Variants in TMOD2 observed in about 807,000 individuals in gnomAD.
TMOD2 encodes tropomodulin-2.
Under a neutral mutation model 39.9 loss-of-function variants are expected in TMOD2, and 22 were observed. That is an observed-to-expected ratio of 0.55 (90% CI 0.39 to 0.79). The LOEUF (loss-of-function observed/expected upper bound fraction) is 0.79, where lower values mean the gene tolerates loss of function less well. TMOD2 is among the 30% of genes least tolerant of loss of function. TMOD2 has a pLI of 0.00. For synonymous variants in TMOD2, 123 were observed against 146.1 expected (o/e 0.84, Z 1.14); for missense variants, 386 against 413.3 (o/e 0.93, Z 0.57).
At chr15:51,767,136 C>G (rs1253322243) in intron 2 of TMOD2, 1 of 152,212 alleles carries the variant, frequency 6.6e-6, no homozygotes, top group African/African-American at 2.4e-5. Context: ...AGCGATTCTC[C>G]TACCTCAGCC....
At chr15:51,773,184 G>C (rs1455941348) in intron 3 of TMOD2, among the ~76,000 whole-genome samples, 1 of 152,222 alleles carries the variant, frequency 6.6e-6, no homozygotes, top group East Asian at 1.9e-4. Context: ...CTGGAGGATA[G>C]ACATGGGAAG....
intron 1 of TMOD2, among the ~76,000 whole-genome samples, chr15:51,763,846 C>T (rs1231815629): frequency 1.3e-5 from 2 of 152,254 alleles, no homozygotes; most frequent in Non-Finnish European, 2.9e-5. Flanking sequence ...AATTCTAAGA[C>T]ACATCTCAAT....
At chr15:51,797,620 G>T (rs1409284153) in intron 7 of TMOD2, among the ~76,000 whole-genome samples, 4 of 152,096 alleles carry the variant, frequency 2.6e-5, no homozygotes, top group Non-Finnish European at 4.4e-5. Context: ...AAGAGAGCCG[G>T]CAGGTGCCCG....
At chr15:51,766,940 C>G (rs1354263497) in intron 2 of TMOD2, 4 of 158,600 alleles carry the variant, frequency 2.5e-5, no homozygotes, top group Admixed American at 1.9e-4. Context: ...CTTTATTAAC[C>G]CCTAGACATG....
At chr15:51,772,950 C>T (rs1388395567) in intron 3 of TMOD2, among the ~76,000 whole-genome samples, 2 of 152,160 alleles carry the variant, frequency 1.3e-5, no homozygotes, top group Non-Finnish European at 2.9e-5. Flanking sequence ...TAAAAGCTAA[C>T]AAATCATTAA....
chr15:51,785,262 A>G (rs575304610), intron 7 of TMOD2, among the ~76,000 whole-genome samples: 1 of 151,114 alleles, frequency 6.6e-6, no homozygotes, highest in Non-Finnish European at 1.5e-5. Flanking sequence ...AATACAAAAA[A>G]TTAGCCGGGC....
rs1750038200 is a variant in TMOD2, at chr15:51,810,165, T to G, written c.*1711T>G. On this transcript the variant is annotated 3_prime_UTR_variant, in exon 10 of 10. Transcript: ENST00000249700. ...GTTTTCAGTCTGATTTTTCCTTCCC[T>G]TTCACCCATTTAGGTGTGATGTGTT... is the stretch of plus-strand genomic sequence containing the variant. 6.6e-6 allele frequency: 1 copy of G among 152,160 alleles called. No individual in the cohort carries two copies. The allele number at this position is 152,160 out of a possible 1,614,324, so 9.4% of individuals were successfully genotyped here. A position where few individuals can be genotyped will look rare whatever the true frequency, so the allele number is the denominator to read the frequency against.
chr15:51,789,476 C>A (rs2055994534), intron 7 of TMOD2, among the ~76,000 whole-genome samples: 1 of 152,102 alleles, frequency 6.6e-6, no homozygotes, highest in Non-Finnish European at 1.5e-5. Context: ...ACAAGGATAT[C>A]CAGGACTTGA....
At chr15:51,769,144 C>G (rs2055836812) in intron 3 of TMOD2, among the ~76,000 whole-genome samples, 1 of 152,206 alleles carries the variant, frequency 6.6e-6, no homozygotes. Context: ...TGTAGGCTAA[C>G]TGCTTATGGT....
chr15:51,768,187 T>TG, intron 2 of TMOD2, 75 bp from the exon 3 acceptor site: 1 of 1,536,910 alleles, frequency 6.5e-7, no homozygotes, highest in South Asian at 1.1e-5. Context: ...ACATAGTGAG[T>TG]GGGGGTGGAA....
intron 7 of TMOD2, among the ~76,000 whole-genome samples, chr15:51,789,049 A>G (rs1312333341): frequency 6.6e-6 from 1 of 152,236 alleles, no homozygotes; most frequent in Admixed American, 6.5e-5. Flanking sequence ...GCCCCAGTTA[A>G]AAGACACAGA....
At chr15:51,755,675 G>C (rs1019117110) in intron 1 of TMOD2, among the ~76,000 whole-genome samples, 2 of 152,138 alleles carry the variant, frequency 1.3e-5, no homozygotes, top group African/African-American at 4.8e-5. Flanking sequence ...CCTCATTGTT[G>C]ATAAACAACC....
intron 3 of TMOD2, among the ~76,000 whole-genome samples, chr15:51,771,688 A>G (rs2055854791): frequency 6.6e-6 from 1 of 152,108 alleles, no homozygotes; most frequent in South Asian, 2.1e-4. Context: ...AGAAAGAAAG[A>G]AATCTTATTT....
chr15:51,773,738 C>A lies in TMOD2; in HGVS notation c.310C>A (p.Pro104Thr), dbSNP rs763355298. ...GAGAGTCTTTATCCCTAAAGAAAAG[C>A]CTATAGAAACTCGTAAAGAAGAAAA... ...KGRVFIPKEK[P>T]IETRKEEKVT... Residue 104 changes from proline to threonine, a missense_variant, in exon 4 of 10, where the codon CCT becomes ACT. Transcript: ENST00000249700. The A allele has an allele frequency of 4.3e-5, 69 of 1,611,632 alleles. No homozygotes were observed. Among genetic ancestry groups the A allele is most frequent in the Non-Finnish European group, 5.6e-5 (66 of 1,179,320 alleles).
At chr15:51,806,630 A>G (rs2056123409) in intron 9 of TMOD2, 109 bp downstream of exon 9, 1 of 1,262,858 alleles carries the variant, frequency 7.9e-7, no homozygotes, top group Admixed American at 2.0e-5. Context: ...CTCTGATGTC[A>G]CTCACTTCTT....
intron 7 of TMOD2, among the ~76,000 whole-genome samples, chr15:51,797,919 T>C (rs891439238): frequency 6.6e-6 from 1 of 151,616 alleles, no homozygotes; most frequent in African/African-American, 2.4e-5. Flanking sequence ...TTTTAATGTC[T>C]CTACTTAACA....
At chr15:51,759,991 C>T (rs1371808062) in intron 1 of TMOD2, among the ~76,000 whole-genome samples, 3 of 152,164 alleles carry the variant, frequency 2.0e-5, no homozygotes, top group African/African-American at 7.2e-5. Context: ...CTGCTAGTGC[C>T]CCCTGTGGGC....
At chr15:51,789,357 A>C (rs958230715) in intron 7 of TMOD2, among the ~76,000 whole-genome samples, 1 of 152,196 alleles carries the variant, frequency 6.6e-6, no homozygotes, top group South Asian at 2.1e-4. Flanking sequence ...CAGATTCATA[A>C]AGCAAGTTCT....
intron 5 of TMOD2, among the ~76,000 whole-genome samples, 178 bp from the exon 6 acceptor site, chr15:51,780,866 A>C (rs988328439): frequency 1.3e-5 from 2 of 152,202 alleles, no homozygotes; most frequent in African/African-American, 4.8e-5. Context: ...CAGCCTTCCA[A>C]GCTGTGACTC....
Sources: allele counts gnomAD v4.1 joint callset (sites outside exome capture counted in the v4.1 genomes callset), GRCh38; gene constraint gnomAD v4.1.1; transcripts MANE v1.5; gene names NCBI Gene and HGNC (gene_info 2026-07-23, HGNC 2026-07-21).